ZNF24: variants seen among roughly 807,000 people sequenced by gnomAD.
ZNF24 encodes the protein retinoic acid suppression protein A.
A neutral mutation model predicts 40.9 loss-of-function variants in ZNF24; 11 were observed. The observed-to-expected ratio is 0.27, with a 90% CI of 0.17 to 0.45. ZNF24 has a LOEUF of 0.45. Ranked by LOEUF, ZNF24 falls within the 20% of genes least tolerant of loss-of-function variation. The pLI is 1.00. For synonymous variants in ZNF24, 139 were observed against 154.7 expected, an observed-to-expected ratio of 0.90 and a Z score of 0.75; for missense variants, 293 against 437.7, an observed-to-expected ratio of 0.67 and a Z score of 2.95.
chr18:35,340,468 C>T lies in ZNF24; in HGVS notation c.183G>A (p.Gln61=), dbSNP rs1378497159. 6 of 1,614,256 alleles carry T rather than the reference C, an allele frequency of 3.7e-6. No individual in the cohort carries two copies. The highest frequency in any genetic ancestry group is 1.3e-5 in the African/African-American group (1 of 75,070). ...CAGCCTCACGGGGCCCAGGTGAATC[C>T]TGGTATCCAAACTGCCTGAATCGCT... is the stretch of plus-strand genomic sequence containing the variant. ...FRQRFRQFGY[Q]DSPGPREAVS... The change falls in exon 2 of 4, where the codon CAG becomes CAA. Residue 61 remains glutamine, a synonymous_variant. Transcript: ENST00000261332. This position sits in a 1 kb window ranked among gnomAD's most constrained non-coding sequence, Gnocchi z 4.6.
chr18:35,343,208 A>G (rs772598811), intron 1 of ZNF24, among the ~76,000 whole-genome samples: 1 of 152,216 alleles, frequency 6.6e-6, no homozygotes, highest in South Asian at 2.1e-4. Flanking sequence ...TATCTTGCAC[A>G]TAATACGTAA....
rs749745755 is a variant in ZNF24 at position 35,335,253 on chromosome 18, G to A, written c.*1979C>T. The stretch of plus-strand genomic sequence containing the variant: ...GAGCAGAGGAGTTTACAGCTTTATT[G>A]GACACTGACTTGTTTCCCCTCAGCC... On this transcript the variant is annotated 3_prime_UTR_variant, in exon 4 of 4. Coordinates refer to ENST00000261332, the MANE Select transcript of ZNF24 (RefSeq NM_006965.4). The A allele has an allele frequency of 5.3e-5, 8 of 152,012 alleles. No individual in the cohort carries two copies. Among genetic ancestry groups the A allele is most frequent in the Non-Finnish European group, 1.0e-4 (7 of 68,008 alleles). The allele number at this position is 152,012 out of a possible 1,614,324, so 9.4% of individuals were successfully genotyped here.
At chr18:35,343,300 G>C (rs2044986039) in intron 1 of ZNF24, among the ~76,000 whole-genome samples, 1 of 152,124 alleles carries the variant, frequency 6.6e-6, no homozygotes, top group East Asian at 1.9e-4. Context: ...ATTAAGAAAA[G>C]GCACTCGCAT....
At position 35,340,760 on chromosome 18, in the gene ZNF24, T is replaced by C; in HGVS notation, c.-83-27A>G. On this transcript the variant is annotated intron_variant, in intron 1 of 3. Transcript: ENST00000261332. The surrounding 1 kb of genome is among the most constrained non-coding windows in gnomAD (Gnocchi z 4.6). ...TGAGGCATAAGAAATAAAAGATATA[T>C]AAATAAGCAAAAATATCCTAAGAAT... 4.2e-6 allele frequency: 4 copies of C among 941,684 alleles called. No individual in the cohort carries two copies. Among genetic ancestry groups the C allele is most frequent in the Non-Finnish European group, 6.2e-6 (4 of 650,380 alleles). The allele number at this position is 941,684 out of a possible 1,614,324, so 58.3% of individuals were successfully genotyped here.
At chr18:35,341,171 TAA>T (rs11353296) in intron 1 of ZNF24, among the ~76,000 whole-genome samples, 1 of 152,054 alleles carries the variant, frequency 6.6e-6, no homozygotes, top group Admixed American at 6.5e-5. Context: ...CTAGATGGCC[TAA>T]AAAAAACCCA....
chr18:35,336,390 T>C lies in ZNF24; in HGVS notation c.*842A>G, dbSNP rs531712418. The C allele has an allele frequency of 1.2e-3, 183 of 152,414 alleles. 1 individual carries two copies. The highest frequency in any genetic ancestry group is 6.0e-4 in the Non-Finnish European group (41 of 68,006). 9.4% of individuals were successfully genotyped at this position (152,414 alleles called of 1,614,324 possible). ...CATGACAGACCATTACCCTTATGTT[T>C]ACATTTGCCTTCAACACTGCCATCC... On this transcript the variant is annotated 3_prime_UTR_variant, in exon 4 of 4. Transcript: ENST00000261332.
rs971058948 is a variant in ZNF24 at position 35,335,181 on chromosome 18, T to G, written c.*2051A>C. The G allele has an allele frequency of 4.8e-4, 73 of 152,266 alleles. 1 individual carries two copies. Among genetic ancestry groups the G allele is most frequent in the African/African-American group, 1.6e-3 (68 of 41,554 alleles). The allele number at this position is 152,266 out of a possible 1,614,324, so 9.4% of individuals were successfully genotyped here. A position where few individuals can be genotyped will look rare whatever the true frequency, so the allele number is the denominator to read the frequency against. On this transcript the variant is annotated 3_prime_UTR_variant, in exon 4 of 4. Transcript: ENST00000261332. ...CCAAATATGCCACCTGAAAACCTAC[T>G]TGGAAAGAAGCCAGTTATAAATAAA...
rs971294642 is a variant in ZNF24 at position 35,332,605 on chromosome 18, A to G, written c.*4627T>C. 6 of 152,688 alleles carry G rather than the reference A, an allele frequency of 3.9e-5. No homozygotes were observed. Among genetic ancestry groups the G allele is most frequent in the African/African-American group, 1.4e-4 (6 of 41,464 alleles). 9.5% of individuals were successfully genotyped at this position (152,688 alleles called of 1,614,324 possible). On this transcript the variant is annotated 3_prime_UTR_variant, in exon 4 of 4. Coordinates refer to ENST00000261332, the MANE Select transcript of ZNF24 (RefSeq NM_006965.4). The stretch of plus-strand genomic sequence containing the variant: ...AAGCCTTCTTTCCAGTAGTTCCAGC[A>G]GAAGTTCTGTTAAGGGCTTTCCTTA...
At chr18:35,339,599 G>T (rs1391841068) in intron 3 of ZNF24, among the ~76,000 whole-genome samples, 1 of 152,180 alleles carries the variant, frequency 6.6e-6, no homozygotes, top group African/African-American at 2.4e-5. Context: ...ATGCTAGCCT[G>T]ACATGGGCAA....
In ZNF24 at chr18:35,338,986, C is replaced by T. The variant is rs950447477; in HGVS notation, c.568+843G>A. 5.6e-5 allele frequency: 86 copies of T among 1,532,716 alleles called. No individual in the cohort carries two copies. In the Middle Eastern group the frequency reaches 6.7e-4, roughly 12 times the overall value. The allele number at this position is 1,532,716 out of a possible 1,614,324, so 94.9% of individuals were successfully genotyped here. A position where few individuals can be genotyped will look rare whatever the true frequency, so the allele number is the denominator to read the frequency against. On this transcript the variant is annotated intron_variant, in intron 3 of 3. Coordinates refer to ENST00000261332, the MANE Select transcript of ZNF24 (RefSeq NM_006965.4). ...CCCACCCCAAAAGTTGACTGGCTGG[C>T]ACTGTCCCCTCAGATGTGAAGAAAA...
rs1026016203 is a variant in ZNF24, at chr18:35,334,301, A to C, written c.*2931T>G. On this transcript the variant is annotated 3_prime_UTR_variant, in exon 4 of 4. Transcript: ENST00000261332. ...CATGGCATGGTGAATATGTCCCTGG[A>C]GTCTACAGAACCAGATTTGAATTTT... The C allele has an allele frequency of 6.6e-6, 1 of 152,220 alleles. No homozygotes were observed. Among genetic ancestry groups the C allele is most frequent in the Non-Finnish European group, 1.5e-5 (1 of 68,040 alleles). The allele number at this position is 152,220 out of a possible 1,614,324, so 9.4% of individuals were successfully genotyped here. A position where few individuals can be genotyped will look rare whatever the true frequency, so the allele number is the denominator to read the frequency against.
rs2044907234 is a variant in ZNF24, at chr18:35,336,206, T to A, written c.*1026A>T. The A allele has an allele frequency of 6.6e-6, 1 of 152,654 alleles. No homozygotes were observed. Among genetic ancestry groups the A allele is most frequent in the African/African-American group, 2.4e-5 (1 of 41,460 alleles). 9.5% of individuals were successfully genotyped at this position (152,654 alleles called of 1,614,324 possible). A position where few individuals can be genotyped will look rare whatever the true frequency, so the allele number is the denominator to read the frequency against. ...CTTGTCGGTAGAAAATGTTTAATAA[T>A]AAATGCATGGCTGCTTTTTTAGCCT... On this transcript the variant is annotated 3_prime_UTR_variant, in exon 4 of 4. Transcript: ENST00000261332.
In ZNF24 at chr18:35,339,892, G is replaced by A. The variant is rs1245569409; in HGVS notation, c.505C>T (p.Leu169Phe). The A allele has an allele frequency of 1.9e-6, 3 of 1,613,458 alleles. No individual in the cohort carries two copies. The highest frequency in any genetic ancestry group is 2.5e-6 in the Non-Finnish European group (3 of 1,179,424). Residue 169 changes from leucine to phenylalanine, a missense_variant, in exon 3 of 4, where the codon CTT becomes TTT. Transcript: ENST00000261332. The part of the protein sequence containing the change: ...EEAQGLPSSE[L>F]DAVENQLKWA... ...TTGAGCTGGTTCTCCACAGCATCAA[G>A]CTCAGAACTTGGTAATCCCTGAGCT... is the stretch of plus-strand genomic sequence containing the variant.
At position 35,339,769 on chromosome 18, in the gene ZNF24, C is replaced by G. The variant is rs1598687083; in HGVS notation, c.568+60G>C. 2.1e-6 allele frequency: 3 copies of G among 1,450,984 alleles called. No individual in the cohort carries two copies. The East Asian group carries it at 7.0e-5, about 34-fold the overall frequency. The allele number at this position is 1,450,984 out of a possible 1,614,324, so 89.9% of individuals were successfully genotyped here. ...CCCACCAGTGAGAACAAGCAAAGTT[C>G]TGAACAAAAGGCCTATACTCTCTTT... On this transcript the variant is annotated intron_variant, in intron 3 of 3. Coordinates refer to ENST00000261332, the MANE Select transcript of ZNF24 (RefSeq NM_006965.4).
intron 3 of ZNF24, chr18:35,338,537 C>CT: frequency 1.1e-5 from 11 of 986,080 alleles, no homozygotes; most frequent in Non-Finnish European, 1.3e-5. Flanking sequence ...CAGCAAGTGT[C>CT]ATTTAAGACT....
rs1233920069 is a variant in ZNF24 at position 35,334,807 on chromosome 18, G to C, written c.*2425C>G. On this transcript the variant is annotated 3_prime_UTR_variant, in exon 4 of 4. Transcript: ENST00000261332. Reference sequence around the variant, plus strand: ...GTCTAGTGGGGACTAAGCCTAACCAGAGATAGAAAGTACACATCTCATCAT... The same window carrying C: ...GTCTAGTGGGGACTAAGCCTAACCACAGATAGAAAGTACACATCTCATCAT... The C allele has an allele frequency of 6.6e-6, 1 of 152,198 alleles. No homozygotes were observed. Among genetic ancestry groups the C allele is most frequent in the Non-Finnish European group, 1.5e-5 (1 of 68,032 alleles). The allele number at this position is 152,198 out of a possible 1,614,324, so 9.4% of individuals were successfully genotyped here.
rs1285076360 is a variant in ZNF24, at chr18:35,335,769, A to T, written c.*1463T>A. The T allele has an allele frequency of 2.0e-5, 3 of 151,840 alleles. No individual in the cohort carries two copies. Among genetic ancestry groups the T allele is most frequent in the Admixed American group, 1.3e-4 (2 of 15,212 alleles). 9.4% of individuals were successfully genotyped at this position (151,840 alleles called of 1,614,324 possible). A position where few individuals can be genotyped will look rare whatever the true frequency, so the allele number is the denominator to read the frequency against. ...AAAAAATGTGTTAAGACTGAAAATT[A>T]AAAAAAAATTCAATTGTGATAGGTT... On this transcript the variant is annotated 3_prime_UTR_variant, in exon 4 of 4. Coordinates refer to ENST00000261332, the MANE Select transcript of ZNF24 (RefSeq NM_006965.4).
Position 35,340,282 on chromosome 18 carries a change from T to C in ZNF24, c.369A>G (p.Ala123=), listed in dbSNP as rs774704730. ...TCTCCAAATCCTCCAGCACTGTCAC[T>C]GCCTCCTCTCCATTCTCTGGATGAT... ...RDHHPENGEE[A]VTVLEDLESE... Residue 123 remains alanine, a synonymous_variant, in exon 2 of 4, where the codon GCA becomes GCG. Transcript: ENST00000261332. This position sits in a 1 kb window ranked among gnomAD's most constrained non-coding sequence, Gnocchi z 4.6. 1 of 1,614,226 alleles carries C rather than the reference T, an allele frequency of 6.2e-7. No individual in the cohort carries two copies. The highest frequency in any genetic ancestry group is 8.5e-7 in the Non-Finnish European group (1 of 1,180,026).
intron 1 of ZNF24, 47 bp downstream of exon 1, chr18:35,344,313 A>T (rs1447535253): frequency 1.3e-5 from 2 of 151,988 alleles, no homozygotes; most frequent in Admixed American, 1.3e-4. Context: ...AGGTCCGCAG[A>T]CCCTAGCCCG....
Sources: gnomAD v4.1 joint callset for allele counts (sites outside exome capture counted in the v4.1 genomes callset) on GRCh38, gnomAD v4.1.1 for gene constraint, Gnocchi (gnomAD v3.1) non-coding constraint, MANE v1.5 for transcripts, NCBI Gene and HGNC (gene_info 2026-07-23, HGNC 2026-07-21) for gene names.